MBD5: variants seen among roughly 807,000 people sequenced by gnomAD.
The protein encoded by MBD5 is methyl-CpG-binding domain protein 5.
MBD5 carries 13 observed loss-of-function variants against 117.3 expected under a neutral mutation model. The observed-to-expected ratio is 0.11, with a 90% CI of 0.07 to 0.18. The LOEUF (loss-of-function observed/expected upper bound fraction) is 0.18, where lower values mean the gene tolerates loss of function less well. MBD5 is among the 10% of genes least tolerant of loss of function. MBD5 has a pLI of 1.00. For synonymous variants in MBD5, 727 were observed against 766.4 expected (o/e 0.95, Z 0.85); for missense variants, 1,879 against 2,093.8 (o/e 0.90, Z 2.00).
chr2:148,024,548 C>T (rs1228217304), intron 1 of MBD5, among the ~76,000 whole-genome samples: 4 of 152,136 alleles, frequency 2.6e-5, no homozygotes, highest in African/African-American at 9.7e-5. Context: ...TAGAGTTAGG[C>T]ATATTTGAAT....
chr2:148,231,559 A>G (rs538695529), intron 2 of MBD5, among the ~76,000 whole-genome samples: 2 of 151,936 alleles, frequency 1.3e-5, no homozygotes, highest in East Asian at 3.9e-4. Context: ...TTTTTTGTGT[A>G]GATAGTTATT....
chr2:148,139,631 A>G (rs1697262501), intron 1 of MBD5, among the ~76,000 whole-genome samples: 1 of 152,184 alleles, frequency 6.6e-6, no homozygotes, highest in Non-Finnish European at 1.5e-5. Flanking sequence ...GTCCATAGAT[A>G]CGATTTTTTC....
At chr2:148,226,530 G>T (rs956092591) in intron 2 of MBD5, among the ~76,000 whole-genome samples, 6 of 152,144 alleles carry the variant, frequency 3.9e-5, no homozygotes, top group Non-Finnish European at 5.9e-5. Flanking sequence ...CATTTGGGTT[G>T]GTTCCAAGTC....
chr2:148,128,744 G>T (rs1349348531), intron 1 of MBD5, among the ~76,000 whole-genome samples: 2 of 152,084 alleles, frequency 1.3e-5, no homozygotes, highest in Non-Finnish European at 2.9e-5. Flanking sequence ...TGCATGTATT[G>T]CCAGTGAGCC....
intron 1 of MBD5, among the ~76,000 whole-genome samples, chr2:148,130,388 T>A (rs1368713341): frequency 6.6e-6 from 1 of 152,142 alleles, no homozygotes; most frequent in Admixed American, 6.5e-5. Flanking sequence ...CAGCAAATGA[T>A]GAACTAGGTC....
At chr2:148,397,830 G>C (rs1013388680) in intron 4 of MBD5, among the ~76,000 whole-genome samples, 3 of 143,032 alleles carry the variant, frequency 2.1e-5, no homozygotes, top group African/African-American at 7.9e-5. Context: ...AGGCCCCAGT[G>C]TGTGATGTTC....
intron 1 of MBD5, chr2:148,054,092 G>A (rs1694792883): frequency 6.6e-6 from 1 of 151,890 alleles, no homozygotes; most frequent in Non-Finnish European, 1.5e-5. Flanking sequence ...TTTTTGTAGA[G>A]ACAAGGCCTC....
intron 1 of MBD5, among the ~76,000 whole-genome samples, chr2:148,079,385 TAGTC>T (rs1353972130): frequency 9.2e-5 from 14 of 152,184 alleles, no homozygotes; most frequent in Non-Finnish European, 7.3e-5. Flanking sequence ...TATAGAATCA[TAGTC>T]AGTTTTGATA....
At chr2:148,495,843 A>T (rs2105177763) in intron 11 of MBD5, among the ~76,000 whole-genome samples, 1 of 152,222 alleles carries the variant, frequency 6.6e-6, no homozygotes, top group East Asian at 1.9e-4. Flanking sequence ...GGGGCAATAC[A>T]TTTTCTGTAT....
chr2:148,126,759 A>AT (rs1696906565), intron 1 of MBD5, among the ~76,000 whole-genome samples: 1 of 152,110 alleles, frequency 6.6e-6, no homozygotes, highest in African/African-American at 2.4e-5. Flanking sequence ...GGAATCTCTT[A>AT]TCCAACATGT....
chr2:148,364,390 A>G (rs1221785940), intron 4 of MBD5, among the ~76,000 whole-genome samples: 4 of 152,246 alleles, frequency 2.6e-5, no homozygotes, highest in Admixed American at 6.5e-5. Flanking sequence ...CTGCAAAAAC[A>G]TACCAAATTG....
In MBD5 at chr2:148,487,480, A is replaced by G. The variant is rs562943279; in HGVS notation, c.3753+1530A>G. 2.6e-5 allele frequency among the ~76,000 whole-genome samples: 4 copies of G among 152,336 alleles called. No individual in the cohort carries two copies. In the East Asian group the frequency reaches 7.7e-4, roughly 29 times the overall value. On this transcript the variant is annotated intron_variant, in intron 10 of 13. Coordinates refer to ENST00000642680, the MANE Select transcript of MBD5 (RefSeq NM_001378120.1). ...AATGATGAAGAAAACTTGTATCTTT[A>G]TGATAATATATATATCTTCCATAGT...
chr2:148,234,898 C>A (rs185822210), intron 3 of MBD5, among the ~76,000 whole-genome samples: 2 of 152,168 alleles, frequency 1.3e-5, no homozygotes, highest in Admixed American at 1.3e-4. Context: ...TTTTTAAAAA[C>A]TACTAAAAAT....
At chr2:148,036,952 A>G (rs1694211129) in intron 1 of MBD5, among the ~76,000 whole-genome samples, 1 of 152,066 alleles carries the variant, frequency 6.6e-6, no homozygotes, top group Non-Finnish European at 1.5e-5. Flanking sequence ...AATAATAAAT[A>G]TTGGCAATCA....
At chr2:148,440,578 G>GT (rs1341051613) in intron 4 of MBD5, among the ~76,000 whole-genome samples, 2 of 137,812 alleles carry the variant, frequency 1.5e-5, no homozygotes, top group African/African-American at 5.2e-5. Context: ...TTTTAGGAGA[G>GT]TAAAAAAAGC....
intron 1 of MBD5, among the ~76,000 whole-genome samples, chr2:148,164,979 T>C (rs901439469): frequency 1.3e-5 from 2 of 152,200 alleles, no homozygotes; most frequent in African/African-American, 4.8e-5. Flanking sequence ...CTCAATCTAT[T>C]ATAAATATCA....
intron 2 of MBD5, among the ~76,000 whole-genome samples, chr2:148,232,495 A>G (rs896054741): frequency 2.0e-5 from 3 of 152,126 alleles, no homozygotes; most frequent in African/African-American, 7.2e-5. Flanking sequence ...TGTTTTTTTC[A>G]AGAAAGCGTC....
At chr2:148,368,030 C>T (rs1325938172) in intron 4 of MBD5, among the ~76,000 whole-genome samples, 5 of 152,016 alleles carry the variant, frequency 3.3e-5, no homozygotes, top group Non-Finnish European at 7.4e-5. Flanking sequence ...TGCTCATGTA[C>T]GTTTATTGCA....
chr2:148,295,916 G>A (rs748169168), intron 3 of MBD5: 52 of 160,236 alleles, frequency 3.2e-4, no homozygotes, highest in Admixed American at 7.8e-4. Flanking sequence ...ATCATGGGTG[G>A]TTTTTAAACT....
Sources: allele counts gnomAD v4.1 joint callset (sites outside exome capture counted in the v4.1 genomes callset), GRCh38; gene constraint gnomAD v4.1.1; transcripts MANE v1.5; gene names NCBI Gene and HGNC (gene_info 2026-07-23, HGNC 2026-07-21).